Variants in ZGRF1 observed in about 807,000 individuals in gnomAD.
ZGRF1 encodes zinc finger GRF-type containing 1.
A neutral mutation model predicts 203.5 loss-of-function variants in ZGRF1; 196 were observed. The observed-to-expected ratio is 0.96, with a 90% CI of 0.86 to 1.08. The LOEUF (loss-of-function observed/expected upper bound fraction) is 1.08, where lower values mean the gene tolerates loss of function less well. Among genes scored for constraint, ZGRF1 ranks in the 50% least tolerant of loss-of-function variants. The pLI is 0.00. For synonymous variants in ZGRF1, 809 were observed against 841.3 expected, an observed-to-expected ratio of 0.96 and a Z score of 0.66; for missense variants, 2,326 against 2,416.3, an observed-to-expected ratio of 0.96 and a Z score of 0.78.
rs1482722507 is a variant in ZGRF1 at position 112,547,376 on chromosome 4, T to C, written c.5507A>G (p.Asp1836Gly). Reference sequence around the variant, plus strand: ...AATAGTAGGAGGTAGCTGTTTGGGATCCCCAACAAGAATCAGCTTTTCACA... The same window carrying C: ...AATAGTAGGAGGTAGCTGTTTGGGACCCCCAACAAGAATCAGCTTTTCACA... Reference protein sequence around the residue: ...FECEKLILVGDPKQLPPTIQG... With the variant: ...FECEKLILVGGPKQLPPTIQG... Residue 1836 changes from aspartate (D) to glycine (G), a missense_variant, in exon 24 of 28, where the codon GAT (aspartate) becomes GGT (glycine). By Grantham distance (94) the Asp-to-Gly change is moderately conservative. Transcript: ENST00000505019. 6.2e-7 allele frequency: 1 copy of C among 1,612,666 alleles called. No homozygotes were observed. Among genetic ancestry groups the C allele is most frequent in the Non-Finnish European group, 8.5e-7 (1 of 1,179,404 alleles).
Position 112,617,643 on chromosome 4 carries a change from T to A in ZGRF1, c.2399A>T (p.Glu800Val). 6.2e-7 allele frequency: 1 copy of A among 1,613,722 alleles called. No individual in the cohort carries two copies. The highest frequency in any genetic ancestry group is 8.5e-7 in the Non-Finnish European group (1 of 1,179,888). ...TTTGCCTTCTCTGGCAGTTTCAACCTCAACATGGTCAGGGGGTGGACTTCT... is the reference window on the plus strand; with the variant it reads ...TTTGCCTTCTCTGGCAGTTTCAACCACAACATGGTCAGGGGGTGGACTTCT... ...KIRSPPPDHV[E>V]VETAREGKQY... The change falls in exon 6 of 28, where the codon GAG becomes GTG. Residue 800 changes from glutamate (E) to valine (V), a missense_variant. By Grantham distance (121) the Glu-to-Val change is moderately radical (BLOSUM62 -2). Transcript: ENST00000505019.
rs779554896 is a variant in ZGRF1 at position 112,553,998 on chromosome 4, A to G, written c.5199-16T>C. The G allele has an allele frequency of 3.8e-6, 6 of 1,589,304 alleles. No homozygotes were observed. In the East Asian group the frequency reaches 1.3e-4, roughly 36 times the overall value. Reference sequence around the variant, plus strand: ...AGCATGCAAGCTAAAGAATTATATTAAAACACTCCTCTTTATTCCATTTTT... The same window carrying G: ...AGCATGCAAGCTAAAGAATTATATTGAAACACTCCTCTTTATTCCATTTTT... On this transcript the variant is annotated splice_polypyrimidine_tract_variant and intron_variant, in intron 21 of 27. Coordinates refer to ENST00000505019, the MANE Select transcript of ZGRF1 (RefSeq NM_018392.5).
In ZGRF1 at chr4:112,540,821, C is replaced by T. The variant is rs1164446994; in HGVS notation, c.5910G>A (p.Lys1970=). ...AAATACTGTAATACATAATACCAAC[C>T]TTGTACATCTGGGATTTGTATAATG... ...VITLYKSQMY[K]LCHLLSAVDF... Residue 1970 remains lysine, a splice_region_variant and synonymous_variant, in exon 26 of 28, where the codon AAG becomes AAA. Transcript: ENST00000505019. The T allele has an allele frequency of 6.3e-7, 1 of 1,589,040 alleles. No homozygotes were observed. Among genetic ancestry groups the T allele is most frequent in the Admixed American group, 1.8e-5 (1 of 57,004 alleles).
chr4:112,619,860 A>C (rs2149165771), intron 5 of ZGRF1, 142 bp downstream of exon 5: 1 of 907,700 alleles, frequency 1.1e-6, no homozygotes, highest in East Asian at 2.8e-5. Flanking sequence ...AGATTTTTCA[A>C]AGTAGGGTTT....
intron 10 of ZGRF1, among the ~76,000 whole-genome samples, chr4:112,599,325 C>T (rs375535252): frequency 6.6e-6 from 1 of 152,014 alleles, no homozygotes; most frequent in South Asian, 2.1e-4. Flanking sequence ...GAATTTCATC[C>T]AAATTCCCAG....
chr4:112,597,705 C>T (rs1325163296), intron 10 of ZGRF1, among the ~76,000 whole-genome samples: 1 of 151,262 alleles, frequency 6.6e-6, no homozygotes, highest in African/African-American at 2.4e-5. Context: ...ATGGAGAAAC[C>T]CTGTCTCTAC....
chr4:112,625,662 T>G (rs1425141532), intron 3 of ZGRF1, among the ~76,000 whole-genome samples: 2 of 150,592 alleles, frequency 1.3e-5, no homozygotes, highest in East Asian at 2.0e-4. Flanking sequence ...TTTGGGAGGC[T>G]GAGGCGGGCA....
At chr4:112,604,449 G>A (rs1236151264) in intron 9 of ZGRF1, among the ~76,000 whole-genome samples, 2 of 151,944 alleles carry the variant, frequency 1.3e-5, no homozygotes, top group African/African-American at 4.8e-5. Flanking sequence ...CCTTATTTCT[G>A]TACTAATTGT....
At chr4:112,562,852 C>T (rs1002070824) in intron 17 of ZGRF1, among the ~76,000 whole-genome samples, 4 of 152,168 alleles carry the variant, frequency 2.6e-5, no homozygotes, top group Non-Finnish European at 4.4e-5. Flanking sequence ...AATTTTTAAA[C>T]ACTTTCTTGC....
chr4:112,611,793 T>A lies in ZGRF1; in HGVS notation c.2667+731A>T, dbSNP rs962259111. Among the ~76,000 whole-genome samples, 4 of 152,164 alleles carry A rather than the reference T, an allele frequency of 2.6e-5. 1 individual carries two copies. The South Asian group carries it at 8.3e-4, about 31-fold the overall frequency. On this transcript the variant is annotated intron_variant, in intron 7 of 27. Coordinates refer to ENST00000505019, the MANE Select transcript of ZGRF1 (RefSeq NM_018392.5). ...TCAGATCTTGCTACATTTCTTTCAA[T>A]GACATTGCACCTTTGTGAAGCTGGG...
intron 27 of ZGRF1, 45 bp from the exon 28 acceptor site, chr4:112,539,734 G>A (rs373789114): frequency 6.6e-5 from 103 of 1,567,560 alleles, no homozygotes; most frequent in Non-Finnish European, 8.1e-5. Context: ...TTATTTTACA[G>A]AGGTCCCAAT....
At chr4:112,632,037 G>T in intron 2 of ZGRF1, 27 bp from the exon 3 acceptor site, 2 of 1,173,760 alleles carry the variant, frequency 1.7e-6, no homozygotes, top group Non-Finnish European at 1.2e-6. Flanking sequence ...CAAAAGAAAT[G>T]GTTTCCATTT....
In ZGRF1 at chr4:112,606,105, T is replaced by C. The variant is rs749169869; in HGVS notation, c.2719-14A>G. 2.7e-6 allele frequency: 4 copies of C among 1,464,712 alleles called. No homozygotes were observed. The highest frequency in any genetic ancestry group is 1.2e-5 in the South Asian group (1 of 83,234). 90.7% of individuals were successfully genotyped at this position (1,464,712 alleles called of 1,614,324 possible). ...CGAGGAAGAGAACTAGGATAAAATATGAATAAGTTATCTAGTTAGCTAGAA... is the reference window on the plus strand; with the variant it reads ...CGAGGAAGAGAACTAGGATAAAATACGAATAAGTTATCTAGTTAGCTAGAA... On this transcript the variant is annotated splice_polypyrimidine_tract_variant and intron_variant, in intron 8 of 27. Coordinates refer to ENST00000505019, the MANE Select transcript of ZGRF1 (RefSeq NM_018392.5).
Position 112,617,604 on chromosome 4 carries a change from G to A in ZGRF1, c.2438C>T (p.Pro813Leu), listed in dbSNP as rs370861827. The A allele has an allele frequency of 1.1e-5, 17 of 1,613,440 alleles. No individual in the cohort carries two copies. Among genetic ancestry groups the A allele is most frequent in the African/African-American group, 4.0e-5 (3 of 74,896 alleles). Residue 813 changes from proline to leucine, a missense_variant, in exon 6 of 28, where the codon CCT (proline) becomes CTT (leucine). Physicochemically the swap from Pro to Leu is moderately conservative, Grantham distance 98. Coordinates refer to ENST00000505019, the MANE Select transcript of ZGRF1 (RefSeq NM_018392.5). ...TCCAGAAAGTTCTGAAGAATTTCTA[G>A]GATTCCAGTATTGTTTGCCTTCTCT... ...TAREGKQYWN[P>L]RNSSELSGLV...
At chr4:112,623,261 T>C (rs948555527) in intron 4 of ZGRF1, among the ~76,000 whole-genome samples, 4 of 152,230 alleles carry the variant, frequency 2.6e-5, no homozygotes, top group Non-Finnish European at 4.4e-5. Flanking sequence ...CTATCACTGA[T>C]AGGCATTTAG....
chr4:112,608,070 A>G (rs144887031), intron 8 of ZGRF1: 75 of 152,306 alleles, frequency 4.9e-4, no homozygotes, highest in African/African-American at 1.8e-3. Context: ...ATGACAGCAT[A>G]TTTTTATTGT....
In ZGRF1 at chr4:112,628,596, G is replaced by A. The variant is rs1040184989; in HGVS notation, c.102+3334C>T. ...CATTTAAGATTGAGGGCGTTATTTA[G>A]GAAACAGTGAGATAATTAACTTGCC... On this transcript the variant is annotated intron_variant, in intron 3 of 27. Coordinates refer to ENST00000505019, the MANE Select transcript of ZGRF1 (RefSeq NM_018392.5). 9 of 455,958 alleles carry A rather than the reference G, an allele frequency of 2.0e-5. 1 individual carries two copies. The East Asian group carries it at 6.2e-4, about 32-fold the overall frequency. 28.2% of individuals were successfully genotyped at this position (455,958 alleles called of 1,614,324 possible).
intron 16 of ZGRF1, among the ~76,000 whole-genome samples, chr4:112,571,349 C>T (rs1047493673): frequency 6.6e-6 from 1 of 151,974 alleles, no homozygotes; most frequent in African/African-American, 2.4e-5. Context: ...TCTTCGAAAA[C>T]AATAACAAAA....
chr4:112,599,927 T>G (rs1001621281), intron 10 of ZGRF1, among the ~76,000 whole-genome samples: 3 of 152,154 alleles, frequency 2.0e-5, no homozygotes, highest in Admixed American at 1.3e-4. Flanking sequence ...TTACATAAAA[T>G]GTACTCAATA....
Sources: gnomAD v4.1 joint callset for allele counts (sites outside exome capture counted in the v4.1 genomes callset) on GRCh38, gnomAD v4.1.1 for gene constraint, MANE v1.5 for transcripts, NCBI Gene and HGNC (gene_info 2026-07-23, HGNC 2026-07-21) for gene names.